Variants in KCTD1 observed in about 807,000 individuals in gnomAD.
KCTD1 encodes potassium channel tetramerization domain containing 1, also known as BTB/POZ domain-containing protein KCTD1.
Under a neutral mutation model 66.0 loss-of-function variants are expected in KCTD1, and 24 were observed. The ratio of observed to expected loss-of-function variants is 0.36; its 90% confidence interval spans 0.26 to 0.51. The LOEUF (loss-of-function observed/expected upper bound fraction) is 0.51, where lower values mean the gene tolerates loss of function less well. Ranked by LOEUF, KCTD1 falls within the 20% of genes least tolerant of loss-of-function variation. The pLI is 0.95. For synonymous variants in KCTD1, 511 were observed against 517.2 expected (o/e 0.99, Z 0.16); for missense variants, 943 against 1,205.2 (o/e 0.78, Z 3.22).
intron 1 of KCTD1, chr18:26,544,742 T>C (rs148598726): frequency 5.3e-5 from 8 of 152,322 alleles, no homozygotes; most frequent in South Asian, 2.1e-4. Context: ...TGCTCTCAGC[T>C]TTCTACTGAG....
chr18:26,500,207 G>A (rs1339539805), intron 2 of KCTD1, among the ~76,000 whole-genome samples: 1 of 151,988 alleles, frequency 6.6e-6, no homozygotes, highest in Non-Finnish European at 1.5e-5. Flanking sequence ...GCTGAGGCCA[G>A]GAGTTCAAGA....
upstream of KCTD1, among the ~76,000 whole-genome samples, chr18:26,642,678 A>G (rs1328702870): frequency 1.3e-5 from 2 of 152,364 alleles, no homozygotes; most frequent in East Asian, 1.9e-4. Context: ...GGCAGAGATT[A>G]CATTTGGTGT....
At chr18:26,579,366 G>T (rs766490534) in intron 1 of KCTD1, among the ~76,000 whole-genome samples, 7 of 152,062 alleles carry the variant, frequency 4.6e-5, no homozygotes, top group Non-Finnish European at 8.8e-5. Flanking sequence ...TTTGGTGATT[G>T]GTTAATTGCT....
intron 1 of KCTD1, among the ~76,000 whole-genome samples, chr18:26,541,253 G>GA (rs1321442447): frequency 6.6e-6 from 1 of 152,224 alleles, no homozygotes; most frequent in Non-Finnish European, 1.5e-5. Context: ...TCAGGATGGA[G>GA]AGGGTCTTCA....
rs1981372275 is a variant in KCTD1 at position 26,476,783 on chromosome 18, G to A, written c.1989-124C>T. ...GAAGATGGCAGTAGGGAAAAATTAC[G>A]ATTGTCTGCAAAGTGTTGGTCCCCG... On this transcript the variant is annotated intron_variant, in intron 2 of 4. Coordinates refer to ENST00000580059, the MANE Select transcript of KCTD1 (RefSeq NM_001142730.3). This position sits in a 1 kb window ranked among gnomAD's most constrained non-coding sequence, Gnocchi z 4.9. 1.5e-5 allele frequency: 12 copies of A among 776,508 alleles called. No homozygotes were observed. The highest frequency in any genetic ancestry group is 1.3e-4 in the South Asian group (8 of 60,258). The allele number at this position is 776,508 out of a possible 1,614,324, so 48.1% of individuals were successfully genotyped here.
intron 1 of KCTD1, among the ~76,000 whole-genome samples, chr18:26,604,764 G>A (rs183224926): frequency 2.0e-5 from 3 of 152,244 alleles, no homozygotes; most frequent in Admixed American, 6.5e-5. Context: ...GGAGGGAGAG[G>A]AGCAGAAAAG....
At chr18:26,469,976 T>TTA (rs1980965025) in intron 3 of KCTD1, among the ~76,000 whole-genome samples, 1 of 152,016 alleles carries the variant, frequency 6.6e-6, no homozygotes, top group East Asian at 1.9e-4. Context: ...TGCAAGAACC[T>TTA]TATAATGCAG....
intron 2 of KCTD1, among the ~76,000 whole-genome samples, chr18:26,500,693 C>T (rs1367178096): frequency 6.6e-6 from 1 of 152,088 alleles, no homozygotes; most frequent in Non-Finnish European, 1.5e-5. Flanking sequence ...GATGAACCAA[C>T]TGATCTCCTA....
intron 2 of KCTD1, among the ~76,000 whole-genome samples, chr18:26,477,052 T>A (rs973654070): frequency 1.3e-5 from 2 of 152,258 alleles, no homozygotes; most frequent in Non-Finnish European, 2.9e-5. Flanking sequence ...AAAAGCAATT[T>A]TGTTTTTAAG....
chr18:26,584,867 T>G (rs532014813), intron 1 of KCTD1, among the ~76,000 whole-genome samples: 1 of 152,230 alleles, frequency 6.6e-6, no homozygotes, highest in South Asian at 2.1e-4. Flanking sequence ...AGGAAGGTGT[T>G]GCAGGCATGG....
intron 1 of KCTD1, among the ~76,000 whole-genome samples, chr18:26,598,622 G>C (rs760044320): frequency 6.6e-6 from 1 of 152,114 alleles, no homozygotes; most frequent in East Asian, 1.9e-4. Flanking sequence ...AGCTGTGTTT[G>C]AGAATTCCTA....
chr18:26,495,404 T>G (rs945302985), intron 2 of KCTD1, among the ~76,000 whole-genome samples: 5 of 152,178 alleles, frequency 3.3e-5, no homozygotes, highest in African/African-American at 1.2e-4. Context: ...AATCCGGTAA[T>G]GGCTAACCCA....
chr18:26,542,383 A>G (rs1363075201), intron 1 of KCTD1, among the ~76,000 whole-genome samples: 1 of 152,232 alleles, frequency 6.6e-6, no homozygotes, highest in African/African-American at 2.4e-5. Flanking sequence ...AGTAAAATCG[A>G]TTCTACAAAT....
intron 1 of KCTD1, among the ~76,000 whole-genome samples, chr18:26,651,178 C>T (rs1598985186): frequency 6.6e-6 from 1 of 152,076 alleles, no homozygotes; most frequent in Non-Finnish European, 1.5e-5. Flanking sequence ...GAGGTGGGGG[C>T]GAAGAGAGAA....
chr18:26,553,529 C>T (rs1941160), upstream of KCTD1, among the ~76,000 whole-genome samples: 98,758 of 151,946 alleles, frequency 0.65, 32,678 homozygotes, highest in African/African-American at 0.78. Flanking sequence ...CAACAAAAGG[C>T]TGTATAGCAG....
intron 1 of KCTD1, among the ~76,000 whole-genome samples, chr18:26,542,704 T>C (rs749655286): frequency 1.3e-5 from 2 of 152,192 alleles, no homozygotes; most frequent in Non-Finnish European, 2.9e-5. Context: ...TGACATTTGC[T>C]TGGGGAGTCA....
chr18:26,564,618 A>G (rs145705439), intron 1 of KCTD1, among the ~76,000 whole-genome samples: 238 of 152,266 alleles, frequency 1.6e-3, no homozygotes, highest in African/African-American at 5.6e-3. Flanking sequence ...GGCCAGGCAC[A>G]GTGACTCATG....
intron 3 of KCTD1, among the ~76,000 whole-genome samples, chr18:26,471,463 T>C (rs779914118): frequency 1.3e-5 from 2 of 152,066 alleles, no homozygotes; most frequent in African/African-American, 2.4e-5. Context: ...TCTTCTTCAT[T>C]TGACAGTTTC....
At chr18:26,627,228 T>G (rs541911492) in intron 1 of KCTD1, among the ~76,000 whole-genome samples, 1 of 151,808 alleles carries the variant, frequency 6.6e-6, no homozygotes, top group East Asian at 1.9e-4. Context: ...CTCTCCTCAA[T>G]TTGATTCTAG....
Sources: gnomAD v4.1 joint callset for allele counts (sites outside exome capture counted in the v4.1 genomes callset) on GRCh38, gnomAD v4.1.1 for gene constraint, Gnocchi (gnomAD v3.1) non-coding constraint, MANE v1.5 for transcripts, NCBI Gene and HGNC (gene_info 2026-07-23, HGNC 2026-07-21) for gene names.